The following MOBP variants were observed in gnomAD, a reference collection of about 807,000 sequenced individuals.
The protein encoded by MOBP is myelin associated oligodendrocyte basic protein, also known as myelin-associated oligodendrocyte basic protein.
Under a neutral mutation model 15.0 loss-of-function variants are expected in MOBP, and 5 were observed. That is an observed-to-expected ratio of 0.33 (90% CI 0.17 to 0.70). The LOEUF is 0.70. MOBP is among the 30% of genes least tolerant of loss of function. The pLI, the probability that MOBP is intolerant of heterozygous loss-of-function variation, is 0.67. For synonymous variants in MOBP, 88 were observed against 99.0 expected (o/e 0.89, Z 0.66); for missense variants, 188 against 257.8 (o/e 0.73, Z 1.85).
chr3:39,528,916 T>C (rs2043361747), downstream of MOBP: 1 of 152,292 alleles, frequency 6.6e-6, no homozygotes, highest in South Asian at 2.1e-4. Context: ...TTGCAAGTTA[T>C]GTTGTGTTGT....
intron 2 of MOBP, among the ~76,000 whole-genome samples, chr3:39,481,335 A>C (rs1293113562): frequency 6.6e-6 from 1 of 152,120 alleles, no homozygotes; most frequent in Non-Finnish European, 1.5e-5. Flanking sequence ...TTTCCATTTC[A>C]CTGGAAAAAT....
intron 2 of MOBP, among the ~76,000 whole-genome samples, chr3:39,496,356 A>T (rs1327869214): frequency 1.4e-5 from 2 of 147,936 alleles, no homozygotes; most frequent in Non-Finnish European, 3.0e-5. Flanking sequence ...CCGCCACCAC[A>T]CCCAGCTAAT....
downstream of MOBP, chr3:39,524,885 A>C (rs1316016231): frequency 6.6e-6 from 1 of 152,204 alleles, no homozygotes; most frequent in Non-Finnish European, 1.5e-5. Flanking sequence ...CAAATCAGAC[A>C]TACACACATT....
intron 2 of MOBP, among the ~76,000 whole-genome samples, chr3:39,483,008 C>A (rs567923150): frequency 4.2e-4 from 64 of 152,262 alleles, no homozygotes; most frequent in African/African-American, 1.3e-3. Context: ...AGTTAAGATC[C>A]TCAACTATAT....
chr3:39,499,540 A>C (rs532647126), intron 2 of MOBP: 108 of 152,836 alleles, frequency 7.1e-4, no homozygotes, highest in Non-Finnish European at 1.4e-3. Flanking sequence ...CAGGTATCTC[A>C]TCCGTGCCCG....
intron 3 of MOBP, among the ~76,000 whole-genome samples, chr3:39,523,758 G>A (rs542030135): frequency 9.9e-5 from 15 of 152,252 alleles, no homozygotes; most frequent in African/African-American, 3.4e-4. Context: ...AAAGTGTCAG[G>A]AAAATGGGCA....
intron 2 of MOBP, among the ~76,000 whole-genome samples, chr3:39,495,448 GA>G (rs529788900): frequency 0.03 from 4,444 of 147,540 alleles, 226 homozygotes; most frequent in African/African-American, 0.1. Context: ...ACTCAATAAG[GA>G]AAAAAAAAAT....
intron 3 of MOBP, among the ~76,000 whole-genome samples, chr3:39,521,462 A>G (rs992405129): frequency 6.6e-6 from 1 of 152,190 alleles, no homozygotes; most frequent in Non-Finnish European, 1.5e-5. Context: ...AAAGTTTTTT[A>G]AGGGACTAAC....
chr3:39,473,105 T>C (rs2042494844), intron 1 of MOBP, among the ~76,000 whole-genome samples: 1 of 152,208 alleles, frequency 6.6e-6, no homozygotes, highest in African/African-American at 2.4e-5. Context: ...TGACTTCTTA[T>C]AATAACTGTG....
At chr3:39,471,173 G>A (rs1559413074) in intron 1 of MOBP, among the ~76,000 whole-genome samples, 1 of 149,904 alleles carries the variant, frequency 6.7e-6, no homozygotes, top group Non-Finnish European at 1.5e-5. Context: ...CTGTCACTAG[G>A]CTGGAGTGCA....
intron 1 of MOBP, among the ~76,000 whole-genome samples, chr3:39,470,948 C>T (rs1016473643): frequency 2.0e-5 from 3 of 152,144 alleles, no homozygotes; most frequent in Non-Finnish European, 4.4e-5. Flanking sequence ...GCTCAATCTT[C>T]AATAATTTTC....
At chr3:39,479,515 T>G (rs1237215748) in intron 1 of MOBP, among the ~76,000 whole-genome samples, 1 of 152,102 alleles carries the variant, frequency 6.6e-6, no homozygotes, top group Non-Finnish European at 1.5e-5. Context: ...TAATATCCTC[T>G]GGAAGTTCTC....
downstream of MOBP, among the ~76,000 whole-genome samples, chr3:39,516,406 C>T (rs1300097502): frequency 6.6e-6 from 1 of 152,076 alleles, no homozygotes; most frequent in African/African-American, 2.4e-5. Context: ...GCAGGGGTGC[C>T]TTTTCACTGG....
chr3:39,510,148 G>T (rs539044979), intron 4 of MOBP, among the ~76,000 whole-genome samples: 1 of 152,034 alleles, frequency 6.6e-6, no homozygotes, highest in Admixed American at 6.5e-5. Context: ...ATATTTATGG[G>T]TTTATTTCTA....
chr3:39,505,323 G>A (rs2043034008), downstream of MOBP, among the ~76,000 whole-genome samples: 1 of 152,136 alleles, frequency 6.6e-6, no homozygotes, highest in East Asian at 1.9e-4. Context: ...TTTCTGCACA[G>A]CATGTTTTAT....
intron 2 of MOBP, among the ~76,000 whole-genome samples, chr3:39,495,859 A>T (rs2042872935): frequency 6.6e-6 from 1 of 151,986 alleles, no homozygotes. Context: ...CCACTTCCTT[A>T]CTTTTGAAAA....
chr3:39,484,090 A>C (rs971797343), intron 2 of MOBP, among the ~76,000 whole-genome samples: 4 of 152,210 alleles, frequency 2.6e-5, no homozygotes, highest in African/African-American at 7.2e-5. Flanking sequence ...CATAGTCCAC[A>C]AATAGAAGTA....
At chr3:39,529,215 A>C (rs2043364637), downstream of MOBP, 1 of 152,250 alleles carries the variant, frequency 6.6e-6, no homozygotes, top group Admixed American at 6.5e-5. Context: ...AAAAAGTAAC[A>C]GGAGAAATGT....
At chr3:39,513,193 C>T (rs1378089119) in intron 4 of MOBP, among the ~76,000 whole-genome samples, 1 of 151,384 alleles carries the variant, frequency 6.6e-6, no homozygotes, top group African/African-American at 2.4e-5. Context: ...AGGCTCGGGC[C>T]AAGAAAAAAA....
Sources: allele counts gnomAD v4.1 joint callset (sites outside exome capture counted in the v4.1 genomes callset), GRCh38; gene constraint gnomAD v4.1.1; transcripts MANE v1.5; gene names NCBI Gene and HGNC (gene_info 2026-07-23, HGNC 2026-07-21).